The following NFATC2IP variants were observed in gnomAD, a reference collection of about 807,000 sequenced individuals.
The protein encoded by NFATC2IP is NFATC2-interacting protein.
A neutral mutation model predicts 40.2 loss-of-function variants in NFATC2IP; 25 were observed. The observed-to-expected ratio is 0.62, with a 90% CI of 0.45 to 0.87. The LOEUF (loss-of-function observed/expected upper bound fraction) is 0.87. NFATC2IP is among the 40% of genes least tolerant of loss of function. The pLI is 0.00. For synonymous variants in NFATC2IP, 241 were observed against 236.3 expected (o/e 1.02, Z -0.18); for missense variants, 553 against 555.6 (o/e 1.00, Z 0.05).
rs747938318 is a variant in NFATC2IP, at chr16:28,951,241, AGCCCCCGGG to A, written c.234_242del (p.Pro79_Pro81del). ...GACGAGGTTGAGGTGGAGCCCCCGG[AGCCCCCGGG>A]GCCGGTCGCGTCCCGGGATAACAGC... On this transcript the variant is annotated inframe_deletion, in exon 1 of 8. Coordinates refer to ENST00000320805, the MANE Select transcript of NFATC2IP (RefSeq NM_032815.4). 4.5e-4 allele frequency: 683 copies of A among 1,512,378 alleles called. 10 individuals are homozygous for A. Among genetic ancestry groups the A allele is most frequent in the Middle Eastern group, 3.9e-3 (23 of 5,844 alleles). The allele number at this position is 1,512,378 out of a possible 1,614,324, so 93.7% of individuals were successfully genotyped here.
chr16:28,957,486 TAAA>T (rs1158813064), intron 5 of NFATC2IP: 1 of 151,558 alleles, frequency 6.6e-6, no homozygotes, highest in African/African-American at 2.4e-5. Flanking sequence ...CTACTAAAAA[TAAA>T]AAAATTAACC....
rs754198141 is a variant in NFATC2IP, at chr16:28,959,034, C to T, written c.1035C>T (p.Ser345=). 1.2e-6 allele frequency: 2 copies of T among 1,614,082 alleles called. No individual in the cohort carries two copies. The highest frequency in any genetic ancestry group is 2.2e-5 in the South Asian group (2 of 91,072). ...LTSSPEATET[S]QQLQLRVQGK... ...GTTCTCCAGAGGCCACAGAGACGTC[C>T]CAACAGCTCCAGCTCCGGGTGCAGG... Residue 345 remains serine (S), a synonymous_variant, in exon 7 of 8, where the codon TCC becomes TCT. Transcript: ENST00000320805.
At chr16:28,956,404 A>AG in intron 5 of NFATC2IP, 67 bp downstream of exon 5, 1 of 1,263,686 alleles carries the variant, frequency 7.9e-7, no homozygotes, top group Non-Finnish European at 1.1e-6. Context: ...GGTGTCCAGC[A>AG]GGGGTGTCCT....
chr16:28,966,465 A>T lies in NFATC2IP; in HGVS notation c.*2602A>T, dbSNP rs949871349. 6.8e-6 allele frequency: 1 copy of T among 147,238 alleles called. No homozygotes were observed. Among genetic ancestry groups the T allele is most frequent in the Non-Finnish European group, 1.5e-5 (1 of 66,536 alleles). The allele number at this position is 147,238 out of a possible 1,614,324, so 9.1% of individuals were successfully genotyped here. On this transcript the variant is annotated 3_prime_UTR_variant, in exon 8 of 8. Transcript: ENST00000320805. ...CTCTTAAAAAAAAAAAAAAAAAAAA[A>T]TGAGAGAAATCGGCTGGGCATGGTT...
intron 2 of NFATC2IP, 30 bp from the exon 3 acceptor site, chr16:28,954,535 C>T: frequency 6.7e-7 from 1 of 1,494,168 alleles, no homozygotes; most frequent in Admixed American, 1.7e-5. Context: ...TTGGATAACC[C>T]CCTTCTACCT....
chr16:28,956,372 G>A, intron 5 of NFATC2IP, 35 bp downstream of exon 5: 1 of 1,555,498 alleles, frequency 6.4e-7, no homozygotes, highest in Non-Finnish European at 8.8e-7. Context: ...AAGGACCCAG[G>A]AGCTGCTTCT....
intron 3 of NFATC2IP, among the ~76,000 whole-genome samples, chr16:28,955,389 C>T (rs1965009177): frequency 6.6e-6 from 1 of 152,128 alleles, no homozygotes; most frequent in African/African-American, 2.4e-5. Flanking sequence ...CCAGCCTGGG[C>T]AACACTGGAC....
chr16:28,958,663 G>T (rs1965048686), intron 5 of NFATC2IP, 54 bp from the exon 6 acceptor site: 4 of 1,507,850 alleles, frequency 2.7e-6, no homozygotes, highest in African/African-American at 1.4e-5. Flanking sequence ...GTGTGGCTGG[G>T]GGCATGGATT....
Position 28,951,251 on chromosome 16 carries a change from G to T in NFATC2IP, c.240G>T (p.Gly80=). 6.7e-7 allele frequency: 1 copy of T among 1,493,930 alleles called. No homozygotes were observed. The highest frequency in any genetic ancestry group is 1.3e-5 in the South Asian group (1 of 77,756). The allele number at this position is 1,493,930 out of a possible 1,614,324, so 92.5% of individuals were successfully genotyped here. ...EVEVEPPEPP[G]PVASRDNSNS... is the part of the protein sequence containing the mutation. ...AGGTGGAGCCCCCGGAGCCCCCGGG[G>T]CCGGTCGCGTCCCGGGATAACAGCA... is the stretch of plus-strand genomic sequence containing the variant. The change falls in exon 1 of 8, where the codon GGG becomes GGT. Residue 80 remains glycine, a synonymous_variant. Transcript: ENST00000320805.
chr16:28,959,531 T>C (rs67479058), intron 7 of NFATC2IP, among the ~76,000 whole-genome samples: 19,749 of 151,580 alleles, frequency 0.13, 1,697 homozygotes, highest in East Asian at 0.31. Flanking sequence ...AATAAGAAGA[T>C]TGAGTTCTAG....
chr16:28,961,590 T>A (rs1001183244), intron 7 of NFATC2IP, among the ~76,000 whole-genome samples: 2 of 151,940 alleles, frequency 1.3e-5, no homozygotes, highest in African/African-American at 4.8e-5. Context: ...TTTTTTTCTT[T>A]TCTTTTGAAA....
intron 7 of NFATC2IP, 29 bp from the exon 8 acceptor site, chr16:28,963,676 G>A (rs769670386): frequency 6.2e-7 from 1 of 1,609,626 alleles, no homozygotes; most frequent in East Asian, 2.2e-5. Flanking sequence ...TTCATGTTCT[G>A]ACGTCCATTT....
At chr16:28,963,394 A>G (rs1315314001) in intron 7 of NFATC2IP, among the ~76,000 whole-genome samples, 2 of 152,124 alleles carry the variant, frequency 1.3e-5, no homozygotes, top group Non-Finnish European at 2.9e-5. Flanking sequence ...CTTCTGTTTC[A>G]TAGGGAAGGA....
At position 28,956,320 on chromosome 16, in the gene NFATC2IP, A is replaced by G. The variant is rs754832197; in HGVS notation, c.829A>G (p.Arg277Gly). ...AATCCGTTGCCGGGCTGACCTGGTCAGATTGCCCCTCAGGATGGTGAGTGC... is the reference window on the plus strand; with the variant it reads ...AATCCGTTGCCGGGCTGACCTGGTCGGATTGCCCCTCAGGATGGTGAGTGC... ...LKIRCRADLV[R>G]LPLRMSEPLQ... Residue 277 changes from arginine to glycine, a missense_variant, in exon 5 of 8, where the codon AGA becomes GGA. By Grantham distance (125) the Arg-to-Gly change is moderately radical (BLOSUM62 -2). Coordinates refer to ENST00000320805, the MANE Select transcript of NFATC2IP (RefSeq NM_032815.4). 2 of 1,613,944 alleles carry G rather than the reference A, an allele frequency of 1.2e-6. No homozygotes were observed. The highest frequency in any genetic ancestry group is 2.2e-5 in the East Asian group (1 of 44,874).
intron 5 of NFATC2IP, chr16:28,957,126 C>G (rs1324356760): frequency 6.6e-6 from 1 of 152,032 alleles, no homozygotes; most frequent in East Asian, 1.9e-4. Context: ...CTCCGCCTCC[C>G]AGGTTCAGGC....
In NFATC2IP at chr16:28,966,444, T is replaced by TAAAAAAAAAAAA. The variant is rs869184973; in HGVS notation, c.*2591_*2602dup. 4 of 122,096 alleles carry TAAAAAAAAAAAA rather than the reference T, an allele frequency of 3.3e-5. No homozygotes were observed. Among genetic ancestry groups the TAAAAAAAAAAAA allele is most frequent in the African/African-American group, 1.3e-4 (4 of 31,482 alleles). The allele number at this position is 122,096 out of a possible 1,614,324, so 7.6% of individuals were successfully genotyped here. On this transcript the variant is annotated 3_prime_UTR_variant, in exon 8 of 8. Coordinates refer to ENST00000320805, the MANE Select transcript of NFATC2IP (RefSeq NM_032815.4). Reference sequence around the variant, plus strand: ...GGCAACACAGCGAGACCTTGTCTCTTAAAAAAAAAAAAAAAAAAAAATGAG... The same window carrying TAAAAAAAAAAAA: ...GGCAACACAGCGAGACCTTGTCTCTTAAAAAAAAAAAAAAAAAAAAAAAAAAAAAAAAATGAG...
In NFATC2IP at chr16:28,964,531, A is replaced by G. The variant is rs1965122634; in HGVS notation, c.*668A>G. ...GTGCACACATTTAAGGCATAACAGC[A>G]CATTCATCCCTTTGGTTTGGGATCT... On this transcript the variant is annotated 3_prime_UTR_variant, in exon 8 of 8. Coordinates refer to ENST00000320805, the MANE Select transcript of NFATC2IP (RefSeq NM_032815.4). 1 of 152,386 alleles carries G rather than the reference A, an allele frequency of 6.6e-6. No homozygotes were observed. The highest frequency in any genetic ancestry group is 1.5e-5 in the Non-Finnish European group (1 of 68,068). 9.4% of individuals were successfully genotyped at this position (152,386 alleles called of 1,614,324 possible).
At chr16:28,954,812 T>G in intron 3 of NFATC2IP, 130 bp downstream of exon 3, 1 of 603,186 alleles carries the variant, frequency 1.7e-6, no homozygotes, top group Admixed American at 2.8e-5. Flanking sequence ...TTGAGTTTCA[T>G]GTGGGGAATG....
At chr16:28,958,964 C>G in intron 6 of NFATC2IP, 27 bp from the exon 7 acceptor site, 1 of 1,607,958 alleles carries the variant, frequency 6.2e-7, no homozygotes, top group Non-Finnish European at 8.5e-7. Context: ...CCACTTAGCC[C>G]TGGCTTCCTG....
Sources: gnomAD v4.1 joint callset for allele counts (sites outside exome capture counted in the v4.1 genomes callset) on GRCh38, gnomAD v4.1.1 for gene constraint, MANE v1.5 for transcripts, NCBI Gene and HGNC (gene_info 2026-07-23, HGNC 2026-07-21) for gene names.